The following PNPLA7 variants were observed in gnomAD, a reference collection of about 807,000 sequenced individuals.
PNPLA7 encodes patatin-like phospholipase domain-containing protein 7.
Under a neutral mutation model 161.7 loss-of-function variants are expected in PNPLA7, and 153 were observed. The observed-to-expected ratio is 0.95, with a 90% CI of 0.83 to 1.08. The LOEUF (loss-of-function observed/expected upper bound fraction) is 1.08. Ranked by LOEUF, PNPLA7 falls within the 50% of genes least tolerant of loss-of-function variation. The probability of loss-of-function intolerance (pLI) is 0.00; values close to 1 mark genes in which losing one functional copy is unlikely to be tolerated. For synonymous variants in PNPLA7, 809 were observed against 782.1 expected (o/e 1.03, Z -0.57); for missense variants, 1,739 against 1,856.6 (o/e 0.94, Z 1.16).
At position 137,543,036 on chromosome 9, in the gene PNPLA7, G is replaced by GCC. The variant is rs1836293356; in HGVS notation, c.507-237_507-236dup. On this transcript the variant is annotated intron_variant, in intron 6 of 34. Transcript: ENST00000406427. The surrounding 1 kb of genome is among the most constrained non-coding windows in gnomAD (Gnocchi z 6.9). ...AGAACTTCTTGACCCGTGAACCTGA[G>GCC]CCACACACACACGGGAGGAAGGCAA... Among the ~76,000 whole-genome samples the GCC allele has an allele frequency of 6.6e-6, 1 of 152,176 alleles. No individual in the cohort carries two copies. The highest frequency in any genetic ancestry group is 6.5e-5 in the Admixed American group (1 of 15,270).
rs945962335 is a variant in PNPLA7, at chr9:137,499,197, C to G, written c.1758-952G>C. Among the ~76,000 whole-genome samples the G allele has an allele frequency of 6.7e-6, 1 of 148,958 alleles. No homozygotes were observed. Among genetic ancestry groups the G allele is most frequent in the Non-Finnish European group, 1.5e-5 (1 of 66,918 alleles). Reference sequence around the variant, plus strand: ...ACACACGGAGACACACGGACACAGGCAGACACACAGGCACACCGAGACACA... The same window carrying G: ...ACACACGGAGACACACGGACACAGGGAGACACACAGGCACACCGAGACACA... On this transcript the variant is annotated intron_variant, in intron 16 of 34. Coordinates refer to ENST00000406427, the MANE Select transcript of PNPLA7 (RefSeq NM_001098537.3). The surrounding 1 kb of genome is among the most constrained non-coding windows in gnomAD (Gnocchi z 5.5).
chr9:137,529,579 G>C (rs1835470737), intron 8 of PNPLA7, among the ~76,000 whole-genome samples: 2 of 151,712 alleles, frequency 1.3e-5, no homozygotes, highest in African/African-American at 4.8e-5. Flanking sequence ...CAAAGCCTTG[G>C]TTCTGATGCT....
intron 11 of PNPLA7, among the ~76,000 whole-genome samples, chr9:137,516,976 CCTCA>C (rs1564342515): frequency 6.6e-6 from 1 of 151,110 alleles, no homozygotes; most frequent in African/African-American, 2.4e-5. Context: ...CTCACTCCAT[CCTCA>C]CTCACTCAAC....
rs1270514359 is a variant in PNPLA7, at chr9:137,499,714, G to A, written c.1757+977C>T. On this transcript the variant is annotated intron_variant, in intron 16 of 34. Coordinates refer to ENST00000406427, the MANE Select transcript of PNPLA7 (RefSeq NM_001098537.3). This position sits in a 1 kb window ranked among gnomAD's most constrained non-coding sequence, Gnocchi z 5.5. The stretch of plus-strand genomic sequence containing the variant: ...CTGCCCCCACCCCTGCCCCTTGCCC[G>A]GCTCGGGGTCCCCAGGCTGAAGCAG... Among the ~76,000 whole-genome samples, 7 of 152,240 alleles carry A rather than the reference G, an allele frequency of 4.6e-5. No individual in the cohort carries two copies. Among genetic ancestry groups the A allele is most frequent in the East Asian group, 3.8e-4 (2 of 5,208 alleles).
In PNPLA7 at chr9:137,503,424, AGAAGGAGAATGAGGAGGGG is replaced by A. The variant is rs1427222265; in HGVS notation, c.1474-1716_1474-1698del. On this transcript the variant is annotated intron_variant, in intron 14 of 34. Transcript: ENST00000406427. ...GAGGAGGGAGAAGGAGAAGAAAGAA[AGAAGGAGAATGAGGAGGGG>A]GAAGGAGAAGGAGGAGGGGGAAGGA... 3.7e-4 allele frequency among the ~76,000 whole-genome samples: 45 copies of A among 120,986 alleles called. No homozygotes were observed. The East Asian group carries it at 6.2e-3, about 17-fold the overall frequency. The allele number at this position is 120,986 out of a possible 152,430, so 79.4% of individuals were successfully genotyped here.
rs902291238 is a variant in PNPLA7, at chr9:137,524,661, C to T, written c.748-1804G>A. ...CCAAACTGTCTCCTACAGCGGCTGCCGTGCTTTGCATTCTCACCAGCGGTG... is the reference window on the plus strand; with the variant it reads ...CCAAACTGTCTCCTACAGCGGCTGCTGTGCTTTGCATTCTCACCAGCGGTG... On this transcript the variant is annotated intron_variant, in intron 8 of 34. Transcript: ENST00000406427. The surrounding 1 kb of genome is among the most constrained non-coding windows in gnomAD (Gnocchi z 4.4). Among the ~76,000 whole-genome samples the T allele has an allele frequency of 1.3e-5, 2 of 152,222 alleles. No homozygotes were observed. The highest frequency in any genetic ancestry group is 2.9e-5 in the Non-Finnish European group (2 of 68,038).
At chr9:137,548,268 G>C (rs564287308) in intron 1 of PNPLA7, among the ~76,000 whole-genome samples, 23 of 152,280 alleles carry the variant, frequency 1.5e-4, no homozygotes, top group Admixed American at 8.5e-4. Flanking sequence ...ACGAGAAGAC[G>C]ACACCAGCCA....
At position 137,467,405 on chromosome 9, in the gene PNPLA7, C is replaced by T. The variant is rs753945090; in HGVS notation, c.2951G>A (p.Gly984Asp). Reference sequence around the variant, plus strand: ...ACCCACGAAGGCCCCGATGGACGTGCCTCCCACCATGTCCACAGGGATGCC... The same window carrying T: ...ACCCACGAAGGCCCCGATGGACGTGTCTCCCACCATGTCCACAGGGATGCC... ...ECGIPVDMVG[G>D]TSIGAFVGAL... Residue 984 changes from glycine (G) to aspartate (D), a missense_variant, in exon 26 of 35, where the codon GGC becomes GAC. By Grantham distance (94) the Gly-to-Asp change is moderately conservative. Transcript: ENST00000406427. The surrounding 1 kb of genome is among the most constrained non-coding windows in gnomAD (Gnocchi z 5.1). 3 of 1,613,520 alleles carry T rather than the reference C, an allele frequency of 1.9e-6. No individual in the cohort carries two copies. Among genetic ancestry groups the T allele is most frequent in the South Asian group, 1.1e-5 (1 of 91,088 alleles).
Position 137,500,962 on chromosome 9 carries a change from C to T in PNPLA7, c.1552-66G>A. Reference sequence around the variant, plus strand: ...CGGGCAGGACGGGGGCAGCTCTGGGCCCAGAGCGGACGATGCCACCAGGCT... The same window carrying T: ...CGGGCAGGACGGGGGCAGCTCTGGGTCCAGAGCGGACGATGCCACCAGGCT... On this transcript the variant is annotated intron_variant, in intron 15 of 34. Transcript: ENST00000406427. The surrounding 1 kb of genome is among the most constrained non-coding windows in gnomAD (Gnocchi z 5.5). The T allele has an allele frequency of 1.4e-6, 2 of 1,445,390 alleles. No homozygotes were observed. Among genetic ancestry groups the T allele is most frequent in the Non-Finnish European group, 1.9e-6 (2 of 1,074,078 alleles). 89.5% of individuals were successfully genotyped at this position (1,445,390 alleles called of 1,614,324 possible).
At chr9:137,492,826 G>A (rs1045399417) in intron 20 of PNPLA7, among the ~76,000 whole-genome samples, 187 bp downstream of exon 20, 3 of 132,836 alleles carry the variant, frequency 2.3e-5, no homozygotes, top group African/African-American at 8.4e-5. Context: ...ACGGCTCTGG[G>A]ACTAGGTGGG....
At chr9:137,536,935 C>G (rs1835926892) in intron 8 of PNPLA7, among the ~76,000 whole-genome samples, 1 of 150,536 alleles carries the variant, frequency 6.6e-6, no homozygotes, top group African/African-American at 2.5e-5. Flanking sequence ...GGGCCATCCT[C>G]CGAGCCACAC....
Position 137,521,637 on chromosome 9 carries a change from G to A in PNPLA7, c.956C>T (p.Ala319Val), listed in dbSNP as rs1834996206. 1 of 1,612,442 alleles carries A rather than the reference G, an allele frequency of 6.2e-7. No individual in the cohort carries two copies. Among genetic ancestry groups the A allele is most frequent in the African/African-American group, 1.3e-5 (1 of 74,910 alleles). Residue 319 changes from alanine to valine, a missense_variant and splice_region_variant, in exon 10 of 35, where the codon GCT becomes GTT. Physicochemically the swap from Ala to Val is moderately conservative, Grantham distance 64 (BLOSUM62 0). This residue lies in a region of PNPLA7 where 152 missense variants were observed against 193.5 expected (regional missense o/e 0.79). Coordinates refer to ENST00000406427, the MANE Select transcript of PNPLA7 (RefSeq NM_001098537.3). ...CTTTGTGAGGTGGTTTTCACTTACA[G>A]CGTTGAAGAGCTCTGTGGTCAGGCC... ...YLGLTTELFN[A>V]ESQAIPLVSV...
chr9:137,546,881 C>G lies in PNPLA7; in HGVS notation c.222G>C (p.Arg74=), dbSNP rs773525715. The change falls in exon 4 of 35, where the codon CGG becomes CGC. Residue 74 remains arginine (R), a synonymous_variant. Coordinates refer to ENST00000406427, the MANE Select transcript of PNPLA7 (RefSeq NM_001098537.3). The part of the protein sequence containing the change: ...FRQAQPTPQY[R]FRKRDKVMFY... ...ACATCACTTTGTCTCTCTTCCGGAA[C>G]CGGTACTGAGGAGTGGGCTGTGCTT... The G allele has an allele frequency of 1.9e-6, 3 of 1,613,976 alleles. No individual in the cohort carries two copies. The Middle Eastern group carries it at 4.9e-4, about 266-fold the overall frequency.
At chr9:137,478,893 G>T in intron 24 of PNPLA7, 163 bp downstream of exon 24, 1 of 1,052,306 alleles carries the variant, frequency 9.5e-7, no homozygotes, top group Non-Finnish European at 1.3e-6. Context: ...AGGCCCAAAG[G>T]GCAAGATGAA....
At position 137,547,957 on chromosome 9, in the gene PNPLA7, G is replaced by A. The variant is rs547564667; in HGVS notation, c.31-298C>T. ...GCAATCCTTGGGATGCAGGTCTCAG[G>A]GAGCAGGCCTGGCCAAAGGGGAGGC... is the stretch of plus-strand genomic sequence containing the variant. On this transcript the variant is annotated intron_variant, in intron 1 of 34. Transcript: ENST00000406427. The surrounding 1 kb of genome is among the most constrained non-coding windows in gnomAD (Gnocchi z 4.6). 1.3e-5 allele frequency among the ~76,000 whole-genome samples: 2 copies of A among 152,248 alleles called. No homozygotes were observed. Among genetic ancestry groups the A allele is most frequent in the East Asian group, 3.9e-4 (2 of 5,174 alleles).
In PNPLA7 at chr9:137,460,147, A is replaced by G; in HGVS notation, c.*246T>C. On this transcript the variant is annotated 3_prime_UTR_variant, in exon 35 of 35. Coordinates refer to ENST00000406427, the MANE Select transcript of PNPLA7 (RefSeq NM_001098537.3). ...GGCCTCACAGGGCTGCAGGGGGTTC[A>G]CAGAGCTTCAGGGGCCTCACAGAGC... 1 of 429,262 alleles carries G rather than the reference A, an allele frequency of 2.3e-6. No homozygotes were observed. Among genetic ancestry groups the G allele is most frequent in the Admixed American group, 3.6e-5 (1 of 28,160 alleles). 26.6% of individuals were successfully genotyped at this position (429,262 alleles called of 1,614,324 possible). A position where few individuals can be genotyped will look rare whatever the true frequency, so the allele number is the denominator to read the frequency against.
At chr9:137,539,289 G>A (rs1836060864) in intron 8 of PNPLA7, among the ~76,000 whole-genome samples, 1 of 152,160 alleles carries the variant, frequency 6.6e-6, no homozygotes. Context: ...GTTACAGTGA[G>A]CCAAGATTGC....
At position 137,547,048 on chromosome 9, in the gene PNPLA7, C is replaced by G. The variant is rs1836569324; in HGVS notation, c.194-139G>C. 1.2e-6 allele frequency: 1 copy of G among 822,652 alleles called. No individual in the cohort carries two copies. The highest frequency in any genetic ancestry group is 2.0e-6 in the Non-Finnish European group (1 of 510,276). The allele number at this position is 822,652 out of a possible 1,614,324, so 51.0% of individuals were successfully genotyped here. ...CTCAGACAGCATGAGGGAAGAGGGCCTGAGTGACAGGCTCATCTCCAACAA... is the reference window on the plus strand; with the variant it reads ...CTCAGACAGCATGAGGGAAGAGGGCGTGAGTGACAGGCTCATCTCCAACAA... On this transcript the variant is annotated intron_variant, in intron 3 of 34. Transcript: ENST00000406427. The surrounding 1 kb of genome is among the most constrained non-coding windows in gnomAD (Gnocchi z 4.6).
In PNPLA7 at chr9:137,547,282, G is replaced by C. The variant is rs747197474; in HGVS notation, c.193+27C>G. On this transcript the variant is annotated intron_variant, in intron 3 of 34. Coordinates refer to ENST00000406427, the MANE Select transcript of PNPLA7 (RefSeq NM_001098537.3). The surrounding 1 kb of genome is among the most constrained non-coding windows in gnomAD (Gnocchi z 4.6). The stretch of plus-strand genomic sequence containing the variant: ...ACCCACGCTTTCCCCCAACCCCCCG[G>C]GCCAGAGTCGGAACCAAGATACTCA... The C allele has an allele frequency of 6.2e-7, 1 of 1,607,744 alleles. No individual in the cohort carries two copies. The highest frequency in any genetic ancestry group is 8.5e-7 in the Non-Finnish European group (1 of 1,175,028).
Sources: allele counts gnomAD v4.1 joint callset (sites outside exome capture counted in the v4.1 genomes callset), GRCh38; gene constraint gnomAD v4.1.1; regional missense constraint gnomAD v4.1.1; non-coding constraint Gnocchi (gnomAD v3.1); transcripts MANE v1.5; gene names NCBI Gene and HGNC (gene_info 2026-07-23, HGNC 2026-07-21).